Variants in THSD4 observed in about 807,000 individuals in gnomAD.
The protein encoded by THSD4 is thrombospondin type 1 domain containing 4.
In THSD4, 69 loss-of-function variants were observed where a neutral mutation model predicts 119.0. That is an observed-to-expected ratio of 0.58 (90% confidence interval 0.48 to 0.71). THSD4 has a LOEUF of 0.71. Among genes scored for constraint, THSD4 ranks in the 30% least tolerant of loss-of-function variants. The pLI, the probability that THSD4 is intolerant of heterozygous loss-of-function variation, is 0.00. For synonymous variants in THSD4, 524 were observed against 540.4 expected, an observed-to-expected ratio of 0.97 and a Z score of 0.42; for missense variants, 1,393 against 1,391.1, an observed-to-expected ratio of 1.00 and a Z score of -0.02.
intron 6 of THSD4, among the ~76,000 whole-genome samples, chr15:71,373,370 AT>A (rs1262357838): frequency 1.3e-5 from 2 of 151,936 alleles, no homozygotes; most frequent in Non-Finnish European, 2.9e-5. Flanking sequence ...AAAGACTGTT[AT>A]TTCCTTTCTT....
intron 7 of THSD4, among the ~76,000 whole-genome samples, chr15:71,445,181 G>C (rs1004280292): frequency 8.5e-5 from 13 of 152,138 alleles, no homozygotes; most frequent in Non-Finnish European, 1.9e-4. Flanking sequence ...CTATAGTGCT[G>C]TTACTCTTGG....
chr15:71,354,633 C>T (rs2045784931), intron 6 of THSD4, among the ~76,000 whole-genome samples: 1 of 152,212 alleles, frequency 6.6e-6, no homozygotes, highest in Non-Finnish European at 1.5e-5. Context: ...ACACTTTGGG[C>T]TCTAACATTA....
At chr15:71,530,602 T>A (rs34236144) in intron 7 of THSD4, among the ~76,000 whole-genome samples, 42,546 of 151,958 alleles carry the variant, frequency 0.28, 6,712 homozygotes, top group East Asian at 0.63. Context: ...ATCTATTTAA[T>A]ATGGTATCAG....
At chr15:71,615,195 C>A (rs1309870306) in intron 7 of THSD4, among the ~76,000 whole-genome samples, 1 of 152,166 alleles carries the variant, frequency 6.6e-6, no homozygotes, top group Non-Finnish European at 1.5e-5. Flanking sequence ...TCACTTTTCC[C>A]TTTTACATGT....
At chr15:71,441,990 T>C (rs548854003) in intron 7 of THSD4, among the ~76,000 whole-genome samples, 2 of 152,034 alleles carry the variant, frequency 1.3e-5, no homozygotes, top group South Asian at 2.1e-4. Context: ...GACAGAGTCT[T>C]GCTCTGTCAC....
intron 7 of THSD4, among the ~76,000 whole-genome samples, chr15:71,426,397 G>GTT (rs5813633): frequency 0.27 from 33,666 of 124,568 alleles, 3,963 homozygotes; most frequent in Middle Eastern, 0.4. Flanking sequence ...GTGTGTGTGT[G>GTT]TGTGTGTGTT....
At chr15:71,435,502 T>C (rs140866433) in intron 7 of THSD4, among the ~76,000 whole-genome samples, 1 of 152,240 alleles carries the variant, frequency 6.6e-6, no homozygotes. Flanking sequence ...AGAATTTCTT[T>C]ATCTCATAAG....
At chr15:71,774,823 A>C (rs181300464) in intron 17 of THSD4, among the ~76,000 whole-genome samples, 2 of 152,262 alleles carry the variant, frequency 1.3e-5, no homozygotes, top group Admixed American at 1.3e-4. Context: ...GAATTAATGA[A>C]TGAACCGTAC....
intron 3 of THSD4, among the ~76,000 whole-genome samples, chr15:71,161,357 C>G (rs982018258): frequency 9.9e-5 from 15 of 151,954 alleles, no homozygotes; most frequent in African/African-American, 3.4e-4. Context: ...GTTGAAGCCC[C>G]CTTCTACTAT....
intron 3 of THSD4, among the ~76,000 whole-genome samples, chr15:71,184,565 T>TGAG (rs1017066045): frequency 3.3e-5 from 5 of 151,950 alleles, no homozygotes; most frequent in Non-Finnish European, 5.9e-5. Flanking sequence ...ATTTCATAGA[T>TGAG]GAGGAGACCT....
rs373856425 is a variant in THSD4 at position 71,372,676 on chromosome 15, A to G, written c.1016-39011A>G. 5.9e-5 allele frequency among the ~76,000 whole-genome samples: 9 copies of G among 152,338 alleles called. No individual in the cohort carries two copies. In the East Asian group the frequency reaches 1.5e-3, roughly 26 times the overall value. ...GAGGGGTACCTGGCCGTGTAAGGTCAGTGTGCCCCTACCGGGGGGTGCCTC... is the reference window on the plus strand; with the variant it reads ...GAGGGGTACCTGGCCGTGTAAGGTCGGTGTGCCCCTACCGGGGGGTGCCTC... On this transcript the variant is annotated intron_variant, in intron 6 of 17. Transcript: ENST00000261862.
intron 1 of THSD4, among the ~76,000 whole-genome samples, chr15:71,125,312 G>A (rs533456570): frequency 2.8e-4 from 43 of 152,266 alleles, no homozygotes; most frequent in Admixed American, 2.5e-3. Context: ...GTAAAAGGCA[G>A]GCGAGAGCAT....
At chr15:71,738,302 C>A in intron 11 of THSD4, 1 of 308,140 alleles carries the variant, frequency 3.2e-6, no homozygotes, top group Non-Finnish European at 6.0e-6. Flanking sequence ...ACTGATCTCG[C>A]CCACCCACCA....
In THSD4 at chr15:71,416,950, G is replaced by A. The variant is rs542824696; in HGVS notation, c.1152+5127G>A. Among the ~76,000 whole-genome samples, 77 of 105,014 alleles carry A rather than the reference G, an allele frequency of 7.3e-4. 24 individuals are homozygous for A. The highest frequency in any genetic ancestry group is 2.4e-3 in the African/African-American group (73 of 30,702). The allele number at this position is 105,014 out of a possible 152,430, so 68.9% of individuals were successfully genotyped here. A position where few individuals can be genotyped will look rare whatever the true frequency, so the allele number is the denominator to read the frequency against. ...ATTTTTTTGTATTTTTAATAGAGTC[G>A]GGGTTTCACCATGTTAGCCAGGATG... On this transcript the variant is annotated intron_variant, in intron 7 of 17. Transcript: ENST00000261862.
chr15:71,236,731 G>A (rs1996258), intron 4 of THSD4, among the ~76,000 whole-genome samples: 151,342 of 152,294 alleles, frequency 0.99, 75,206 homozygotes, highest in East Asian at 1. Context: ...AAGAAATAAG[G>A]CATAGTCCCT....
chr15:71,714,094 T>C (rs2052563283), intron 8 of THSD4, among the ~76,000 whole-genome samples: 1 of 152,220 alleles, frequency 6.6e-6, no homozygotes. Context: ...TTTTTGACAT[T>C]ATTTTTAATT....
At position 71,427,615 on chromosome 15, in the gene THSD4, G is replaced by A. The variant is rs188535220; in HGVS notation, c.1152+15792G>A. Among the ~76,000 whole-genome samples the A allele has an allele frequency of 1.4e-3, 210 of 148,330 alleles. 1 individual carries two copies. The highest frequency in any genetic ancestry group is 5.1e-3 in the African/African-American group (203 of 40,028). On this transcript the variant is annotated intron_variant, in intron 7 of 17. Transcript: ENST00000261862. The stretch of plus-strand genomic sequence containing the variant: ...CTCTAGCCCAGGACCCAGCACATAC[G>A]AGATACTCAGGATAGAAGTTGAGGT...
intron 6 of THSD4, among the ~76,000 whole-genome samples, chr15:71,325,755 AG>A (rs143731730): frequency 0.011 from 1,710 of 152,296 alleles, 42 homozygotes; most frequent in African/African-American, 0.038. Context: ...GATTAGTCAG[AG>A]GAAATGCTAA....
At chr15:71,138,952 A>T (rs540172781) in intron 1 of THSD4, among the ~76,000 whole-genome samples, 1 of 151,292 alleles carries the variant, frequency 6.6e-6, no homozygotes, top group Admixed American at 6.6e-5. Context: ...CAACCCTATG[A>T]GGTAGTTACA....
Sources: gnomAD v4.1 joint callset for allele counts (sites outside exome capture counted in the v4.1 genomes callset) on GRCh38, gnomAD v4.1.1 for gene constraint, MANE v1.5 for transcripts, NCBI Gene and HGNC (gene_info 2026-07-23, HGNC 2026-07-21) for gene names.